Variants in GFRA3 observed in about 807,000 individuals in gnomAD.
GFRA3 encodes the protein GDNF family receptor alpha-3.
GFRA3 carries 24 observed loss-of-function variants against 40.0 expected under a neutral mutation model. The observed-to-expected ratio is 0.60, with a 90% CI of 0.43 to 0.84. The LOEUF (loss-of-function observed/expected upper bound fraction) is 0.84, where lower values mean the gene tolerates loss of function less well. GFRA3 is among the 40% of genes least tolerant of loss of function. GFRA3 has a pLI of 0.00. For missense variants in GFRA3, 405 were observed against 530.6 expected, an observed-to-expected ratio of 0.76 and a Z score of 2.33; for synonymous variants, 203 against 213.5, an observed-to-expected ratio of 0.95 and a Z score of 0.43.
chr5:138,266,497 G>A (rs1755787006), intron 1 of GFRA3, among the ~76,000 whole-genome samples: 1 of 152,056 alleles, frequency 6.6e-6, no homozygotes, highest in South Asian at 2.1e-4. Context: ...TTTTGTTGAG[G>A]TGTAACACAG....
intron 3 of GFRA3, among the ~76,000 whole-genome samples, chr5:138,258,344 C>T (rs893089865): frequency 6.6e-6 from 1 of 151,802 alleles, no homozygotes; most frequent in African/African-American, 2.4e-5. Flanking sequence ...CGACGCCCGG[C>T]TAATTTTTTG....
intron 3 of GFRA3, among the ~76,000 whole-genome samples, chr5:138,259,127 C>T (rs1434244143): frequency 6.6e-6 from 1 of 152,218 alleles, no homozygotes; most frequent in East Asian, 1.9e-4. Flanking sequence ...GTCACACTCT[C>T]TTTTCCTGCC....
rs866582599 is a variant in GFRA3 at position 138,253,373 on chromosome 5, C to A, written c.1027G>T (p.Glu343Ter). The change falls in exon 7 of 8, where the codon GAG (glutamate) becomes TAG (stop). Residue 343 changes from glutamate to a stop codon, truncating the protein, a stop_gained and splice_region_variant. Transcript: ENST00000274721. LOFTEE classifies it high-confidence loss of function. ...GFFSHNPCLT[E>*]AIAAKMRFHS... ...AAACGCATCTTAGCTGCAATGGCCT[C>A]CGCTGAAGAGAGGAGAGAAGGCTCA... is the stretch of plus-strand genomic sequence containing the variant. 3 of 1,582,642 alleles carry A rather than the reference C, an allele frequency of 1.9e-6. No homozygotes were observed. Among genetic ancestry groups the A allele is most frequent in the Non-Finnish European group, 2.6e-6 (3 of 1,158,518 alleles).
rs146318649 is a variant in GFRA3 at position 138,264,917 on chromosome 5, A to T, written c.92-369T>A. Among the ~76,000 whole-genome samples, 495 of 152,228 alleles carry T rather than the reference A, an allele frequency of 3.3e-3. 1 individual carries two copies. The highest frequency in any genetic ancestry group is 0.011 in the African/African-American group (475 of 41,538). ...TGGGCAGGGCTAGTATCAGAACCAG[A>T]GAGTTGAGAATGGACAAGGGAGTGC... On this transcript the variant is annotated intron_variant, in intron 1 of 7. Coordinates refer to ENST00000274721, the MANE Select transcript of GFRA3 (RefSeq NM_001496.4).
Position 138,254,065 on chromosome 5 carries a change from C to A in GFRA3, c.881G>T (p.Gly294Val). Reference sequence around the variant, plus strand: ...CATGCCCCCAGCCTCACCAATCAGCCCCAGGTATGCTCGTAGACATCTGGA... The same window carrying A: ...CATGCCCCCAGCCTCACCAATCAGCACCAGGTATGCTCGTAGACATCTGGA... ...EQSRCLRAYL[G>V]LIGTAMTPNF... The change falls in exon 5 of 8, where the codon GGG becomes GTG. Residue 294 changes from glycine to valine, a missense_variant. By Grantham distance (109) the Gly-to-Val change is moderately radical. Transcript: ENST00000274721. The A allele has an allele frequency of 1.2e-6, 2 of 1,607,856 alleles. No individual in the cohort carries two copies. Among genetic ancestry groups the A allele is most frequent in the Non-Finnish European group, 1.7e-6 (2 of 1,174,300 alleles).
At chr5:138,274,215 T>G in intron 1 of GFRA3, 119 bp downstream of exon 1, 1 of 1,255,852 alleles carries the variant, frequency 8.0e-7, no homozygotes, top group Non-Finnish European at 1.0e-6. Flanking sequence ...GTTCCCCTTG[T>G]TCGGCTCGGA....
chr5:138,263,156 G>A (rs895273641), intron 2 of GFRA3, among the ~76,000 whole-genome samples: 4 of 151,910 alleles, frequency 2.6e-5, no homozygotes, highest in Non-Finnish European at 5.9e-5. Flanking sequence ...TAGTAGAGAT[G>A]AGGTTTCACC....
chr5:138,259,496 C>T, intron 3 of GFRA3, 61 bp downstream of exon 3: 1 of 808,540 alleles, frequency 1.2e-6, no homozygotes, highest in Non-Finnish European at 2.3e-6. Flanking sequence ...CCCTCCCCAG[C>T]CACCCTTCCT....
chr5:138,259,413 C>T lies in GFRA3; in HGVS notation c.472+144G>A. ...AGATCATGCCCCAGAGCTCACACTTCCAGCCTGACACAGTCTTCCTTAGTC... is the reference window on the plus strand; with the variant it reads ...AGATCATGCCCCAGAGCTCACACTTTCAGCCTGACACAGTCTTCCTTAGTC... On this transcript the variant is annotated intron_variant, in intron 3 of 7. Transcript: ENST00000274721. The T allele has an allele frequency of 4.6e-6, 3 of 650,242 alleles. No homozygotes were observed. In the South Asian group the frequency reaches 5.2e-5, roughly 11 times the overall value. The allele number at this position is 650,242 out of a possible 1,614,324, so 40.3% of individuals were successfully genotyped here.
chr5:138,269,842 C>T (rs71596566), intron 1 of GFRA3, among the ~76,000 whole-genome samples: 1 of 114,514 alleles, frequency 8.7e-6, no homozygotes, highest in Admixed American at 1.0e-4. Context: ...AAGACTCCAT[C>T]TCAAAAAAAA....
chr5:138,263,025 C>T (rs1211278608), intron 2 of GFRA3, among the ~76,000 whole-genome samples: 3 of 151,986 alleles, frequency 2.0e-5, no homozygotes, highest in Admixed American at 6.6e-5. Flanking sequence ...AGTGCAGTGG[C>T]GCAATCTCGA....
In GFRA3 at chr5:138,257,890, C is replaced by G. The variant is rs1755655731; in HGVS notation, c.534G>C (p.Leu178=). The part of the protein sequence containing the change: ...LCTLNDKCDR[L]RKAYGEACSG... The stretch of plus-strand genomic sequence containing the variant: ...AGCACGCCTCCCCGTAGGCCTTGCG[C>G]AGCCGGTCACACTTGTCATTGAGAG... Residue 178 remains leucine, a synonymous_variant, in exon 4 of 8, where the codon CTG becomes CTC. Transcript: ENST00000274721. 1.9e-6 allele frequency: 3 copies of G among 1,614,096 alleles called. No individual in the cohort carries two copies. Among genetic ancestry groups the G allele is most frequent in the Admixed American group, 3.3e-5 (2 of 60,020 alleles).
intron 1 of GFRA3, among the ~76,000 whole-genome samples, chr5:138,273,006 A>G (rs1755899031): frequency 6.6e-6 from 1 of 152,202 alleles, no homozygotes; most frequent in African/African-American, 2.4e-5. Flanking sequence ...TATCCATTTT[A>G]TAGTTGGATG....
At chr5:138,259,409 A>G in intron 3 of GFRA3, 148 bp downstream of exon 3, 1 of 641,642 alleles carries the variant, frequency 1.6e-6, no homozygotes, top group Non-Finnish European at 2.9e-6. Flanking sequence ...CAGAGCTCAC[A>G]CTTCCAGCCT....
chr5:138,256,839 C>T (rs1336005162), intron 4 of GFRA3, among the ~76,000 whole-genome samples: 1 of 150,310 alleles, frequency 6.7e-6, no homozygotes, highest in East Asian at 2.0e-4. Context: ...CCTAGCTACT[C>T]GAGAGACTGA....
chr5:138,273,049 A>T (rs1439568669), intron 1 of GFRA3, among the ~76,000 whole-genome samples: 1 of 152,214 alleles, frequency 6.6e-6, no homozygotes, highest in Non-Finnish European at 1.5e-5. Context: ...CAGGGGATGT[A>T]GCAAGTCAAG....
chr5:138,270,887 G>A (rs1755858804), intron 1 of GFRA3, among the ~76,000 whole-genome samples: 1 of 152,146 alleles, frequency 6.6e-6, no homozygotes, highest in African/African-American at 2.4e-5. Context: ...AAAAGATTGA[G>A]GAATTTCTAC....
At chr5:138,271,979 T>G (rs1187868306) in intron 1 of GFRA3, among the ~76,000 whole-genome samples, 2 of 141,822 alleles carry the variant, frequency 1.4e-5, no homozygotes, top group African/African-American at 5.6e-5. Context: ...TTGGTTGGTT[T>G]TTTTTGCACG....
intron 2 of GFRA3, among the ~76,000 whole-genome samples, chr5:138,261,905 C>A (rs1755716815): frequency 6.6e-6 from 1 of 152,008 alleles, no homozygotes; most frequent in Non-Finnish European, 1.5e-5. Context: ...ATAAGTCCTG[C>A]CAGTTGGACA....
Sources: allele counts gnomAD v4.1 joint callset (sites outside exome capture counted in the v4.1 genomes callset), GRCh38; gene constraint gnomAD v4.1.1; transcripts MANE v1.5; gene names NCBI Gene and HGNC (gene_info 2026-07-23, HGNC 2026-07-21).